The following ZNF846 variants were observed in gnomAD, a reference collection of about 807,000 sequenced individuals.
ZNF846 encodes the protein zinc finger protein 846.
Under a neutral mutation model 16.0 loss-of-function variants are expected in ZNF846, and 15 were observed. The ratio of observed to expected loss-of-function variants is 0.94; its 90% CI spans 0.63 to 1.45. The LOEUF (loss-of-function observed/expected upper bound fraction) is 1.45, where lower values mean the gene tolerates loss of function less well. Ranked by LOEUF, ZNF846 falls within the 40% of genes most tolerant of loss-of-function variation. The pLI is 0.00. For synonymous variants in ZNF846, 229 were observed against 212.0 expected, an observed-to-expected ratio of 1.08 and a Z score of -0.70; for missense variants, 714 against 622.3, an observed-to-expected ratio of 1.15 and a Z score of -1.57.
chr19:9,766,824 C>T (rs182332026), intron 1 of ZNF846, among the ~76,000 whole-genome samples: 3 of 147,852 alleles, frequency 2.0e-5, no homozygotes, highest in East Asian at 2.0e-4. Flanking sequence ...CACTTGAACC[C>T]GGGAGGTGGA....
At chr19:9,768,351 C>G (rs965178138) in exon 1 of ZNF846, 1 of 152,228 alleles carries the variant, frequency 6.6e-6, no homozygotes, top group Non-Finnish European at 1.5e-5. Context: ...TCCACAACAG[C>G]TGAGATGCTT....
At chr19:9,765,468 C>G in intron 1 of ZNF846, among the ~76,000 whole-genome samples, 1 of 152,090 alleles carries the variant, frequency 6.6e-6, no homozygotes, top group African/African-American at 2.4e-5. Flanking sequence ...GTTAGGAGAT[C>G]GAGACCATCC....
At chr19:9,784,600 C>T (rs2045539428) in intron 1 of ZNF846, among the ~76,000 whole-genome samples, 1 of 152,144 alleles carries the variant, frequency 6.6e-6, no homozygotes, top group Non-Finnish European at 1.5e-5. Context: ...CACTAATCCT[C>T]CTCAGCACAG....
chr19:9,757,792 T>C, exon 6 of ZNF846: 1 of 1,613,710 alleles, frequency 6.2e-7, no homozygotes, highest in East Asian at 2.2e-5. Context: ...GTGAAAGCTT[T>C]CCCACATTCT....
chr19:9,769,086 T>C (rs2045365509), upstream of ZNF846, among the ~76,000 whole-genome samples: 2 of 152,144 alleles, frequency 1.3e-5, no homozygotes, highest in Admixed American at 1.3e-4. Flanking sequence ...TTTTTTAATT[T>C]CTCTTTTTAG....
At chr19:9,784,087 C>T (rs776396219) in intron 1 of ZNF846, among the ~76,000 whole-genome samples, 21 of 152,116 alleles carry the variant, frequency 1.4e-4, no homozygotes, top group Admixed American at 9.8e-4. Context: ...TGCCCCTCCA[C>T]ACCTGTTGGT....
chr19:9,758,658 TTC>T lies in ZNF846; in HGVS notation c.417_418del (p.Lys140AsnfsTer3). 6.2e-7 allele frequency: 1 copy of T among 1,613,102 alleles called. No homozygotes were observed. The highest frequency in any genetic ancestry group is 8.5e-7 in the Non-Finnish European group (1 of 1,179,712). The stretch of plus-strand genomic sequence containing the variant: ...TCCACTCTGATTATCCTCAGAAGTT[TTC>T]TCTCCAATGTGAGTTATCATGTGAG... On this transcript the variant is annotated frameshift_variant, in exon 6 of 6. Coordinates refer to ENST00000397902, the Ensembl canonical transcript of ZNF846. LOFTEE classifies it low-confidence loss of function (END_TRUNC).
At chr19:9,771,469 C>T (rs141463655), upstream of ZNF846, among the ~76,000 whole-genome samples, 913 of 152,248 alleles carry the variant, frequency 6.0e-3, 4 homozygotes, top group Non-Finnish European at 8.6e-3. Context: ...TGAGCCACTG[C>T]GCCCACCCAA....
At chr19:9,785,554 C>A (rs1186952658) in intron 1 of ZNF846, among the ~76,000 whole-genome samples, 1 of 132,898 alleles carries the variant, frequency 7.5e-6, no homozygotes, top group East Asian at 2.3e-4. Flanking sequence ...GGAGTCCCCG[C>A]CCCTGTCTCA....
intron 1 of ZNF846, chr19:9,775,061 C>A: frequency 9.9e-7 from 1 of 1,014,580 alleles, no homozygotes; most frequent in East Asian, 2.5e-5. Flanking sequence ...CACGTGCCAC[C>A]GCCTGACATT....
At chr19:9,776,084 G>C (rs4254426) in intron 1 of ZNF846, among the ~76,000 whole-genome samples, 1 of 152,250 alleles carries the variant, frequency 6.6e-6, no homozygotes, top group Non-Finnish European at 1.5e-5. Context: ...CCTTGGTCTA[G>C]CGGTAATGCC....
chr19:9,770,953 GTTTA>G (rs533159772), upstream of ZNF846, among the ~76,000 whole-genome samples: 347 of 152,060 alleles, frequency 2.3e-3, no homozygotes, highest in Admixed American at 4.5e-3. Flanking sequence ...ATGGAAAAAG[GTTTA>G]TTTATTTATT....
At chr19:9,770,821 A>G (rs1350751250), upstream of ZNF846, among the ~76,000 whole-genome samples, 2 of 152,104 alleles carry the variant, frequency 1.3e-5, no homozygotes, top group African/African-American at 4.8e-5. Context: ...GTGAGCTGAG[A>G]TGGCGCCACG....
intron 1 of ZNF846, among the ~76,000 whole-genome samples, chr19:9,777,870 G>A (rs141298071): frequency 7.4e-4 from 112 of 152,210 alleles, no homozygotes; most frequent in African/African-American, 2.6e-3. Flanking sequence ...TAAAACTTGA[G>A]TTTGACACTG....
exon 1 of ZNF846, chr19:9,768,479 G>T (rs1308011345): frequency 1.3e-5 from 2 of 152,272 alleles, no homozygotes; most frequent in African/African-American, 4.8e-5. Flanking sequence ...GACTGATGCG[G>T]GCGCAGCGGG....
intron 1 of ZNF846, among the ~76,000 whole-genome samples, chr19:9,779,722 C>A (rs1293642042): frequency 2.0e-5 from 3 of 151,958 alleles, no homozygotes; most frequent in Non-Finnish European, 2.9e-5. Context: ...AGGTGCCCAC[C>A]ACCACACCCA....
At chr19:9,764,427 G>A (rs1033039542) in intron 2 of ZNF846, among the ~76,000 whole-genome samples, 3 of 152,134 alleles carry the variant, frequency 2.0e-5, no homozygotes, top group Non-Finnish European at 4.4e-5. Flanking sequence ...TCTTGTCTCT[G>A]TATACTGTAC....
At chr19:9,773,877 A>G (rs553133242) in intron 1 of ZNF846, among the ~76,000 whole-genome samples, 15 of 152,328 alleles carry the variant, frequency 9.8e-5, no homozygotes, top group Admixed American at 2.0e-4. Flanking sequence ...TATATATGGA[A>G]AGCCCTAGAG....
At chr19:9,784,460 A>G (rs891027510) in intron 1 of ZNF846, among the ~76,000 whole-genome samples, 3 of 152,208 alleles carry the variant, frequency 2.0e-5, no homozygotes, top group African/African-American at 7.2e-5. Context: ...CTCCAGCCAT[A>G]AGGCGGTTTT....
Sources: gnomAD v4.1 joint callset for allele counts (sites outside exome capture counted in the v4.1 genomes callset) on GRCh38, gnomAD v4.1.1 for gene constraint, MANE v1.5 for transcripts, NCBI Gene and HGNC (gene_info 2026-07-23, HGNC 2026-07-21) for gene names.